Variants in EPS15L1 observed in about 807,000 individuals in gnomAD.
EPS15L1 encodes the protein epidermal growth factor receptor pathway substrate 15 like 1.
A neutral mutation model predicts 117.1 loss-of-function variants in EPS15L1; 43 were observed. The observed-to-expected ratio is 0.37, with a 90% confidence interval of 0.29 to 0.47. The LOEUF (loss-of-function observed/expected upper bound fraction) is 0.47. Among genes scored for constraint, EPS15L1 ranks in the 20% least tolerant of loss-of-function variants. The probability of loss-of-function intolerance (pLI) is 0.99; values close to 1 mark genes in which losing one functional copy is unlikely to be tolerated. For synonymous variants in EPS15L1, 459 were observed against 470.5 expected, an observed-to-expected ratio of 0.98 and a Z score of 0.32; for missense variants, 981 against 1,164.0, an observed-to-expected ratio of 0.84 and a Z score of 2.29.
intron 23 of EPS15L1, among the ~76,000 whole-genome samples, chr19:16,361,225 T>C (rs1338355907): frequency 1.3e-5 from 2 of 150,488 alleles, no homozygotes; most frequent in Non-Finnish European, 2.9e-5. Context: ...ATTTCTTTTT[T>C]CATTGGAGCT....
Position 16,404,860 on chromosome 19 carries a change from C to G in EPS15L1, c.1267-111G>C, listed in dbSNP as rs2092640542. The stretch of plus-strand genomic sequence containing the variant: ...CAGGGGAAGCCTCCGAAACCACCCA[C>G]TGTGACCGTGCTCAGGGCCAGCATT... On this transcript the variant is annotated intron_variant, in intron 13 of 23. Coordinates refer to ENST00000455140, the MANE Select transcript of EPS15L1 (RefSeq NM_001258374.3). This position sits in a 1 kb window ranked among gnomAD's most constrained non-coding sequence, Gnocchi z 4.2. The G allele has an allele frequency of 8.3e-7, 1 of 1,198,792 alleles. No individual in the cohort carries two copies. The highest frequency in any genetic ancestry group is 1.2e-6 in the Non-Finnish European group (1 of 840,428). 74.3% of individuals were successfully genotyped at this position (1,198,792 alleles called of 1,614,324 possible).
intron 9 of EPS15L1, among the ~76,000 whole-genome samples, chr19:16,423,731 G>A (rs2092840082): frequency 6.6e-6 from 1 of 152,216 alleles, no homozygotes; most frequent in Non-Finnish European, 1.5e-5. Flanking sequence ...ATTCTAATGA[G>A]AAATGGGCTT....
At chr19:16,468,301 AC>A (rs1224072508) in intron 1 of EPS15L1, among the ~76,000 whole-genome samples, 22 of 152,206 alleles carry the variant, frequency 1.4e-4, no homozygotes, top group Admixed American at 1.2e-3. Context: ...CAGGAAAGGG[AC>A]CCAGCAAGGT....
intron 1 of EPS15L1, 150 bp from the exon 2 acceptor site, chr19:16,442,369 T>C: frequency 1.6e-6 from 1 of 634,054 alleles, no homozygotes; most frequent in Non-Finnish European, 2.8e-6. Flanking sequence ...AACACAGAAT[T>C]CAGTTTATCT....
At chr19:16,447,370 A>T (rs2093094169) in intron 1 of EPS15L1, among the ~76,000 whole-genome samples, 1 of 152,224 alleles carries the variant, frequency 6.6e-6, no homozygotes, top group Non-Finnish European at 1.5e-5. Context: ...CACAAGGAAA[A>T]AGACATCTCA....
intron 12 of EPS15L1, among the ~76,000 whole-genome samples, chr19:16,416,914 C>T (rs755383370): frequency 1.2e-4 from 19 of 152,198 alleles, no homozygotes; most frequent in Non-Finnish European, 2.6e-4. Context: ...CATCCAAAGC[C>T]CTCGTTTACA....
At chr19:16,385,014 A>G in intron 21 of EPS15L1, 115 bp downstream of exon 21, 8 of 821,840 alleles carry the variant, frequency 9.7e-6, no homozygotes, top group Non-Finnish European at 1.6e-5. Flanking sequence ...CTTGTGTTGG[A>G]AAGGTGCCGG....
intron 10 of EPS15L1, among the ~76,000 whole-genome samples, chr19:16,420,139 A>G (rs895683559): frequency 6.6e-6 from 1 of 152,052 alleles, no homozygotes; most frequent in African/African-American, 2.4e-5. Flanking sequence ...ACACATCTAG[A>G]CTTCTTTTCT....
intron 21 of EPS15L1, among the ~76,000 whole-genome samples, chr19:16,382,671 T>C (rs536842550): frequency 1.1e-4 from 16 of 152,176 alleles, no homozygotes; most frequent in African/African-American, 3.4e-4. Flanking sequence ...TGGACTCTTG[T>C]TTTTATTCTC....
At chr19:16,390,004 T>C (rs2092460163) in intron 19 of EPS15L1, among the ~76,000 whole-genome samples, 1 of 151,888 alleles carries the variant, frequency 6.6e-6, no homozygotes, top group East Asian at 1.9e-4. Flanking sequence ...AATAATAAAA[T>C]AGTAGACTTA....
At chr19:16,378,002 T>C (rs544457288) in intron 21 of EPS15L1, among the ~76,000 whole-genome samples, 85 of 152,232 alleles carry the variant, frequency 5.6e-4, no homozygotes, top group African/African-American at 1.9e-3. Context: ...CAGTCAGAGA[T>C]AGTTATAACA....
At chr19:16,394,350 T>C (rs1331307263) in intron 17 of EPS15L1, among the ~76,000 whole-genome samples, 1 of 152,200 alleles carries the variant, frequency 6.6e-6, no homozygotes, top group Non-Finnish European at 1.5e-5. Context: ...GCCAGCTCCC[T>C]GGGTAAGAGG....
intron 6 of EPS15L1, among the ~76,000 whole-genome samples, chr19:16,435,670 C>T (rs1408003345): frequency 6.6e-6 from 1 of 151,920 alleles, no homozygotes; most frequent in African/African-American, 2.4e-5. Flanking sequence ...GGCCTGGGAT[C>T]CTCTCCTGGC....
intron 21 of EPS15L1, among the ~76,000 whole-genome samples, chr19:16,384,621 C>T (rs968638093): frequency 1.3e-5 from 2 of 152,166 alleles, no homozygotes; most frequent in South Asian, 4.1e-4. Context: ...TGGTAACCAG[C>T]CTCGCTGCTG....
chr19:16,403,972 C>T (rs1210282100), intron 14 of EPS15L1, 42 bp from the exon 15 acceptor site: 1 of 1,560,306 alleles, frequency 6.4e-7, no homozygotes, highest in Non-Finnish European at 8.8e-7. Context: ...ATTCACAGTG[C>T]AGGATGAAAT....
intron 10 of EPS15L1, among the ~76,000 whole-genome samples, chr19:16,421,097 C>T (rs1047576107): frequency 6.6e-6 from 1 of 152,256 alleles, no homozygotes; most frequent in Non-Finnish European, 1.5e-5. Flanking sequence ...GAGGCCCTTC[C>T]TACTGAAAGA....
In EPS15L1 at chr19:16,408,047, T is replaced by C. The variant is rs965024384; in HGVS notation, c.1267-3298A>G. On this transcript the variant is annotated intron_variant, in intron 13 of 23. Transcript: ENST00000455140. ...TGTGGGTGGCCACATCTAAGGGGAG[T>C]GATGGATAAGGGAAGGGAAGATGGG... Among the ~76,000 whole-genome samples, 4 of 151,190 alleles carry C rather than the reference T, an allele frequency of 2.6e-5. No individual in the cohort carries two copies. In the South Asian group the frequency reaches 8.4e-4, roughly 32 times the overall value.
At chr19:16,444,315 G>A (rs185363566) in intron 1 of EPS15L1, among the ~76,000 whole-genome samples, 5 of 152,134 alleles carry the variant, frequency 3.3e-5, no homozygotes, top group African/African-American at 1.2e-4. Flanking sequence ...GACATAGGAG[G>A]TAAGTGTGTA....
intron 1 of EPS15L1, among the ~76,000 whole-genome samples, chr19:16,453,032 C>T (rs2093161319): frequency 6.6e-6 from 1 of 151,866 alleles, no homozygotes; most frequent in Admixed American, 6.6e-5. Context: ...GATCTCCTGA[C>T]CTCATGATCT....
Sources: gnomAD v4.1 joint callset for allele counts (sites outside exome capture counted in the v4.1 genomes callset) on GRCh38, gnomAD v4.1.1 for gene constraint, Gnocchi (gnomAD v3.1) non-coding constraint, MANE v1.5 for transcripts, NCBI Gene and HGNC (gene_info 2026-07-23, HGNC 2026-07-21) for gene names.